The following SEC62 variants were observed in gnomAD, a reference collection of about 807,000 sequenced individuals.
SEC62 encodes the protein translocation protein SEC62.
Under a neutral mutation model 47.5 loss-of-function variants are expected in SEC62, and 10 were observed. That is an observed-to-expected ratio of 0.21 (90% CI 0.13 to 0.36). SEC62 has a LOEUF of 0.36. Among genes scored for constraint, SEC62 ranks in the 10% least tolerant of loss-of-function variants. The pLI, the probability that SEC62 is intolerant of heterozygous loss-of-function variation, is 1.00. For synonymous variants in SEC62, 136 were observed against 150.5 expected (o/e 0.90, Z 0.71); for missense variants, 327 against 464.1 (o/e 0.70, Z 2.71).
intron 6 of SEC62, 79 bp downstream of exon 6, chr3:169,985,944 G>T: frequency 1.0e-6 from 1 of 963,892 alleles, no homozygotes. Flanking sequence ...AAAAGAAAAT[G>T]TTCCTAAATT....
chr3:169,982,748 T>A lies in SEC62; in HGVS notation c.293T>A (p.Met98Lys), dbSNP rs1715008051. ...KQFFHRALKV[M>K]KMKYDKDIKK... ...TTTTTTCACCGAGCCCTAAAAGTAA[T>A]GAAAATGAAATATGATAAAGACATA... The change falls in exon 4 of 8, where the codon ATG becomes AAG. Residue 98 changes from methionine (M) to lysine (K), a missense_variant. Coordinates refer to ENST00000337002, the MANE Select transcript of SEC62 (RefSeq NM_003262.4). 1.9e-6 allele frequency: 3 copies of A among 1,595,778 alleles called. No homozygotes were observed. Among genetic ancestry groups the A allele is most frequent in the African/African-American group, 1.4e-5 (1 of 71,406 alleles).
intron 1 of SEC62, among the ~76,000 whole-genome samples, chr3:169,973,958 C>A (rs1336412334): frequency 6.6e-6 from 1 of 152,192 alleles, no homozygotes; most frequent in Non-Finnish European, 1.5e-5. Flanking sequence ...ACTTCCACTT[C>A]ATCTAACAAA....
chr3:169,975,540 A>G (rs953466571), intron 1 of SEC62, 68 bp from the exon 2 acceptor site: 18 of 1,018,258 alleles, frequency 1.8e-5, no homozygotes, highest in Non-Finnish European at 2.6e-5. Flanking sequence ...ATAGATTTGT[A>G]AATTATTATT....
intron 3 of SEC62, among the ~76,000 whole-genome samples, chr3:169,981,836 T>C (rs992408842): frequency 1.3e-5 from 2 of 152,026 alleles, no homozygotes; most frequent in African/African-American, 4.8e-5. Context: ...AGAAGATAAG[T>C]GCTATGGATA....
chr3:169,987,305 A>G (rs148445263), intron 6 of SEC62, among the ~76,000 whole-genome samples: 2,316 of 152,178 alleles, frequency 0.015, 20 homozygotes, highest in South Asian at 0.032. Context: ...TGTAGTCCCA[A>G]CTACTTAGAA....
intron 1 of SEC62, among the ~76,000 whole-genome samples, chr3:169,972,691 G>A (rs1714727807): frequency 1.3e-5 from 2 of 149,230 alleles, no homozygotes; most frequent in South Asian, 4.2e-4. Flanking sequence ...GCCACCCAAA[G>A]TACTGGGATT....
At chr3:169,984,776 C>T (rs1427652435) in intron 5 of SEC62, among the ~76,000 whole-genome samples, 2 of 151,854 alleles carry the variant, frequency 1.3e-5, no homozygotes, top group East Asian at 1.9e-4. Context: ...TGAAGAACCA[C>T]GTTGGAAAGA....
chr3:169,967,457 A>G (rs1420041659), intron 1 of SEC62, among the ~76,000 whole-genome samples: 2 of 152,292 alleles, frequency 1.3e-5, no homozygotes, highest in Non-Finnish European at 1.5e-5. Flanking sequence ...TTAACTTAAT[A>G]GTCCACTTGA....
chr3:169,967,461 C>T (rs925940965), intron 1 of SEC62, among the ~76,000 whole-genome samples: 1 of 152,094 alleles, frequency 6.6e-6, no homozygotes, highest in Non-Finnish European at 1.5e-5. Flanking sequence ...CTTAATAGTC[C>T]ACTTGAAGCT....
chr3:169,989,696 G>A (rs1211738502), intron 7 of SEC62, among the ~76,000 whole-genome samples: 1 of 151,794 alleles, frequency 6.6e-6, no homozygotes, highest in Non-Finnish European at 1.5e-5. Flanking sequence ...AATAGTTTAT[G>A]GTTATTATGT....
chr3:169,982,271 T>C (rs1428054744), intron 3 of SEC62, among the ~76,000 whole-genome samples: 1 of 152,120 alleles, frequency 6.6e-6, no homozygotes, highest in African/African-American at 2.4e-5. Flanking sequence ...TGAAAAGACA[T>C]TATTTGGACC....
chr3:169,993,131 T>C lies in SEC62; in HGVS notation c.*68T>C, dbSNP rs1164061543. 3.6e-6 allele frequency: 4 copies of C among 1,102,256 alleles called. No individual in the cohort carries two copies. The Admixed American group carries it at 1.1e-4, about 31-fold the overall frequency. The allele number at this position is 1,102,256 out of a possible 1,614,324, so 68.3% of individuals were successfully genotyped here. A position where few individuals can be genotyped will look rare whatever the true frequency, so the allele number is the denominator to read the frequency against. ...GATTTTCTATGTTGGCTGATTACCA[T>C]ATTGAACACATGGCATTTGTAGCAT... On this transcript the variant is annotated 3_prime_UTR_variant, in exon 8 of 8. Transcript: ENST00000337002.
At chr3:169,988,384 A>G in intron 7 of SEC62, 25 bp downstream of exon 7, 1 of 1,612,446 alleles carries the variant, frequency 6.2e-7, no homozygotes, top group Non-Finnish European at 8.5e-7. Flanking sequence ...TATAAAATTG[A>G]CCTCAAGAAG....
chr3:169,983,174 G>C lies in SEC62; in HGVS notation c.470G>C (p.Gly157Ala), dbSNP rs1364914167. The change falls in exon 5 of 8, where the codon GGA becomes GCA. Residue 157 changes from glycine to alanine, a missense_variant. Transcript: ENST00000337002. ...KEESKKEETP[G>A]TPKKKETKKK... is the part of the protein sequence containing the mutation. ...GTGTTTTCATAGGAGGAAACTCCAG[G>C]AACTCCTAAAAAGAAGGAAACTAAG... The C allele has an allele frequency of 6.2e-7, 1 of 1,609,870 alleles. No homozygotes were observed. Among genetic ancestry groups the C allele is most frequent in the Non-Finnish European group, 8.5e-7 (1 of 1,177,654 alleles).
intron 1 of SEC62, among the ~76,000 whole-genome samples, chr3:169,972,956 G>A (rs1183058889): frequency 6.6e-6 from 1 of 152,050 alleles, no homozygotes; most frequent in Non-Finnish European, 1.5e-5. Context: ...CCAGTAACAA[G>A]TTATTTAATT....
chr3:169,995,463 T>G lies in SEC62; in HGVS notation c.*2400T>G, dbSNP rs1715351442. ...GTAACTTTAATTGAAATAATATAGA[T>G]TTAGTTGAATACTATTCAGGAAGTA... On this transcript the variant is annotated 3_prime_UTR_variant, in exon 8 of 8. Transcript: ENST00000337002. 1 of 152,206 alleles carries G rather than the reference T, an allele frequency of 6.6e-6. No individual in the cohort carries two copies. The highest frequency in any genetic ancestry group is 1.5e-5 in the Non-Finnish European group (1 of 68,032). 9.4% of individuals were successfully genotyped at this position (152,206 alleles called of 1,614,324 possible).
chr3:169,984,683 G>C (rs143417052), intron 5 of SEC62, among the ~76,000 whole-genome samples: 1 of 152,280 alleles, frequency 6.6e-6, no homozygotes, highest in Non-Finnish European at 1.5e-5. Context: ...GAAACTGGCA[G>C]AAGTAATATC....
chr3:169,977,142 C>A, intron 3 of SEC62, 91 bp downstream of exon 3: 1 of 751,004 alleles, frequency 1.3e-6, no homozygotes, highest in Non-Finnish European at 2.1e-6. Context: ...TGTAGTGATA[C>A]TACAACATAA....
intron 1 of SEC62, chr3:169,969,317 GT>G (rs1262273978): frequency 1.1e-5 from 5 of 456,580 alleles, no homozygotes; most frequent in South Asian, 4.6e-5. Context: ...TCCCATCGAA[GT>G]TTCTAGCAAG....
Sources: gnomAD v4.1 joint callset for allele counts (sites outside exome capture counted in the v4.1 genomes callset) on GRCh38, gnomAD v4.1.1 for gene constraint, MANE v1.5 for transcripts, NCBI Gene and HGNC (gene_info 2026-07-23, HGNC 2026-07-21) for gene names.